REL: variants seen among roughly 807,000 people sequenced by gnomAD.
The protein encoded by REL is proto-oncogene c-Rel.
In REL, 15 loss-of-function variants were observed where a neutral mutation model predicts 45.9. The observed-to-expected ratio is 0.33, with a 90% CI of 0.22 to 0.50. REL has a LOEUF of 0.50. Ranked by LOEUF, REL falls within the 20% of genes least tolerant of loss-of-function variation. The pLI, the probability that REL is intolerant of heterozygous loss-of-function variation, is 0.98. For synonymous variants in REL, 239 were observed against 242.1 expected (o/e 0.99, Z 0.12); for missense variants, 601 against 715.2 (o/e 0.84, Z 1.82).
rs377275682 is a variant in REL at position 60,929,822 on chromosome 2, AAAATAAAT to A, written c.*7302_*7309del. ...TACCCTAAAGCTTAAAGTATAATAA[AAAATAAAT>A]AAATAAATAAATAAGAAAAAGAAAG... On this transcript the variant is annotated 3_prime_UTR_variant, in exon 10 of 10. Transcript: ENST00000394479. The A allele has an allele frequency of 8.6e-5, 13 of 151,828 alleles. No homozygotes were observed. Among genetic ancestry groups the A allele is most frequent in the East Asian group, 3.9e-4 (2 of 5,172 alleles). 9.4% of individuals were successfully genotyped at this position (151,828 alleles called of 1,614,324 possible).
intron 4 of REL, among the ~76,000 whole-genome samples, chr2:60,911,811 C>G (rs1479018543): frequency 6.6e-6 from 1 of 151,560 alleles, no homozygotes; most frequent in East Asian, 1.9e-4. Flanking sequence ...CCATCCTGGC[C>G]AAGATGATGA....
At chr2:60,890,992 T>C (rs972283532) in intron 1 of REL, among the ~76,000 whole-genome samples, 44 of 152,230 alleles carry the variant, frequency 2.9e-4, no homozygotes, top group African/African-American at 1.1e-3. Flanking sequence ...TGCAGATGCA[T>C]ATTTTGAATT....
Position 60,922,585 on chromosome 2 carries a change from A to G in REL, c.*50A>G, listed in dbSNP as rs534517933. On this transcript the variant is annotated 3_prime_UTR_variant, in exon 10 of 10. Transcript: ENST00000394479. ...ATCTTGATACCACCTATATAGATGC[A>G]GCATTTTGTATTTGTCTAACTGGGG... The G allele has an allele frequency of 1.4e-4, 211 of 1,493,838 alleles. No individual in the cohort carries two copies. Among genetic ancestry groups the G allele is most frequent in the Non-Finnish European group, 1.8e-4 (204 of 1,121,026 alleles). The allele number at this position is 1,493,838 out of a possible 1,614,324, so 92.5% of individuals were successfully genotyped here.
chr2:60,916,431 C>G (rs1297871868), intron 4 of REL, among the ~76,000 whole-genome samples: 2 of 152,120 alleles, frequency 1.3e-5, no homozygotes, highest in Non-Finnish European at 2.9e-5. Context: ...ACGAACTAAA[C>G]TCAGTTCCTC....
At chr2:60,906,849 GTGTA>G (rs1324689915) in intron 4 of REL, among the ~76,000 whole-genome samples, 2 of 133,024 alleles carry the variant, frequency 1.5e-5, no homozygotes, top group Admixed American at 7.5e-5. Flanking sequence ...ATATATGTGT[GTGTA>G]TGTATGTGTG....
intron 8 of REL, 169 bp downstream of exon 8, chr2:60,920,278 T>C (rs1558820259): frequency 1.6e-6 from 1 of 630,076 alleles, no homozygotes; most frequent in African/African-American, 1.9e-5. Context: ...CTCAACTCAC[T>C]GCAACCTCTG....
intron 5 of REL, among the ~76,000 whole-genome samples, 164 bp downstream of exon 5, chr2:60,917,181 C>T (rs1673992897): frequency 6.6e-6 from 1 of 152,154 alleles, no homozygotes; most frequent in South Asian, 2.1e-4. Context: ...TAATCTCATC[C>T]TCCAGAGATA....
rs770255689 is a variant in REL at position 60,926,137 on chromosome 2, C to T, written c.*3602C>T. 38 of 231,698 alleles carry T rather than the reference C, an allele frequency of 1.6e-4. No individual in the cohort carries two copies. Among genetic ancestry groups the T allele is most frequent in the Non-Finnish European group, 2.7e-4 (32 of 116,826 alleles). 14.4% of individuals were successfully genotyped at this position (231,698 alleles called of 1,614,324 possible). ...TGAACTCTACTTGTGCACTGGATCCCTCCTCCTTTCTCTGCCAGGCTGTGT... is the reference window on the plus strand; with the variant it reads ...TGAACTCTACTTGTGCACTGGATCCTTCCTCCTTTCTCTGCCAGGCTGTGT... On this transcript the variant is annotated 3_prime_UTR_variant, in exon 10 of 10. Coordinates refer to ENST00000394479, the MANE Select transcript of REL (RefSeq NM_001291746.2).
intron 4 of REL, among the ~76,000 whole-genome samples, chr2:60,907,200 G>C (rs986798236): frequency 6.6e-6 from 1 of 151,942 alleles, no homozygotes; most frequent in Middle Eastern, 3.4e-3. Flanking sequence ...GATTACAGGC[G>C]TGAGCCACCG....
intron 1 of REL, among the ~76,000 whole-genome samples, chr2:60,888,602 A>G (rs1451810133): frequency 2.0e-5 from 3 of 152,236 alleles, no homozygotes; most frequent in Non-Finnish European, 2.9e-5. Context: ...TAAAACTGAA[A>G]TAAGGATTAT....
At chr2:60,883,617 T>C (rs1313946603) in intron 1 of REL, among the ~76,000 whole-genome samples, 2 of 152,226 alleles carry the variant, frequency 1.3e-5, no homozygotes, top group South Asian at 2.1e-4. Flanking sequence ...TTTATTGATA[T>C]ATTGCATGAA....
intron 1 of REL, among the ~76,000 whole-genome samples, chr2:60,889,149 C>G (rs1673143525): frequency 6.6e-6 from 1 of 152,124 alleles, no homozygotes; most frequent in Non-Finnish European, 1.5e-5. Context: ...ATTGGTGATT[C>G]TTAAATAAAC....
intron 4 of REL, among the ~76,000 whole-genome samples, chr2:60,915,817 TC>T (rs1264359482): frequency 1.3e-5 from 2 of 152,236 alleles, no homozygotes; most frequent in Non-Finnish European, 2.9e-5. Context: ...CTATATTCTA[TC>T]ATGAGCTTTT....
At chr2:60,901,947 T>A (rs1244268189) in intron 4 of REL, among the ~76,000 whole-genome samples, 1 of 152,194 alleles carries the variant, frequency 6.6e-6, no homozygotes, top group Non-Finnish European at 1.5e-5. Flanking sequence ...ATGCTGTAAG[T>A]ATAAATGCTT....
chr2:60,885,219 C>T (rs1281527768), intron 1 of REL, among the ~76,000 whole-genome samples: 1 of 152,120 alleles, frequency 6.6e-6, no homozygotes, highest in African/African-American at 2.4e-5. Flanking sequence ...TATGGGTTCT[C>T]TGAAAATGAT....
intron 3 of REL, among the ~76,000 whole-genome samples, chr2:60,895,147 C>A (rs1252150349): frequency 6.6e-6 from 1 of 151,784 alleles, no homozygotes; most frequent in Non-Finnish European, 1.5e-5. Context: ...GTGTGAGACA[C>A]CGTGCCTAGC....
In REL at chr2:60,917,117, G is replaced by A. The variant is rs1039012999; in HGVS notation, c.535+100G>A. The A allele has an allele frequency of 5.8e-6, 6 of 1,030,250 alleles. No homozygotes were observed. In the African/African-American group the frequency reaches 9.8e-5, roughly 17 times the overall value. The allele number at this position is 1,030,250 out of a possible 1,614,324, so 63.8% of individuals were successfully genotyped here. ...GTAATTAGGAAAACAATATATTCATGATAGGAAAACTTCCAGACATTAGAG... is the reference window on the plus strand; with the variant it reads ...GTAATTAGGAAAACAATATATTCATAATAGGAAAACTTCCAGACATTAGAG... On this transcript the variant is annotated intron_variant, in intron 5 of 9. Coordinates refer to ENST00000394479, the MANE Select transcript of REL (RefSeq NM_001291746.2).
At chr2:60,900,915 GTAT>G in intron 3 of REL, 74 bp from the exon 4 acceptor site, 1 of 1,197,374 alleles carries the variant, frequency 8.4e-7, no homozygotes, top group Non-Finnish European at 1.2e-6. Flanking sequence ...GATAACTTCA[GTAT>G]TGCTATATGT....
intron 1 of REL, among the ~76,000 whole-genome samples, chr2:60,888,086 T>C (rs1017347890): frequency 2.6e-5 from 4 of 151,820 alleles, no homozygotes; most frequent in Admixed American, 6.6e-5. Flanking sequence ...TGCCACCACA[T>C]CCCGCTAATT....
Sources: gnomAD v4.1 joint callset for allele counts (sites outside exome capture counted in the v4.1 genomes callset) on GRCh38, gnomAD v4.1.1 for gene constraint, MANE v1.5 for transcripts, NCBI Gene and HGNC (gene_info 2026-07-23, HGNC 2026-07-21) for gene names.